HPSE2: variants seen among roughly 807,000 people sequenced by gnomAD.
HPSE2 encodes the protein inactive heparanase-2.
HPSE2 carries 38 observed loss-of-function variants against 60.5 expected under a neutral mutation model. The ratio of observed to expected loss-of-function variants is 0.63; its 90% CI spans 0.48 to 0.82. HPSE2 has a LOEUF of 0.82. Among genes scored for constraint, HPSE2 ranks in the 40% least tolerant of loss-of-function variants. HPSE2 has a pLI of 0.00. For missense variants in HPSE2, 713 were observed against 740.4 expected, an observed-to-expected ratio of 0.96 and a Z score of 0.43; for synonymous variants, 295 against 293.2, an observed-to-expected ratio of 1.01 and a Z score of -0.06.
At chr10:98,914,451 C>A (rs1296938135) in intron 3 of HPSE2, among the ~76,000 whole-genome samples, 1 of 151,656 alleles carries the variant, frequency 6.6e-6, no homozygotes, top group African/African-American at 2.4e-5. Flanking sequence ...CAAATCCTCA[C>A]AATTTAGTAT....
At chr10:98,573,961 G>A (rs1589440966) in intron 9 of HPSE2, among the ~76,000 whole-genome samples, 1 of 152,042 alleles carries the variant, frequency 6.6e-6, no homozygotes, top group African/African-American at 2.4e-5. Context: ...TATTCACAGA[G>A]TTGTGCATCC....
At chr10:99,049,187 T>C (rs181418043) in intron 3 of HPSE2, among the ~76,000 whole-genome samples, 14 of 152,336 alleles carry the variant, frequency 9.2e-5, no homozygotes, top group Admixed American at 9.2e-4. Context: ...ATGTACTCCC[T>C]ATATCTAAAG....
intron 3 of HPSE2, among the ~76,000 whole-genome samples, chr10:98,775,251 T>C (rs1394263924): frequency 2.0e-5 from 3 of 152,240 alleles, no homozygotes; most frequent in Non-Finnish European, 4.4e-5. Context: ...ACAGCTGATA[T>C]ATGATCATCT....
intron 3 of HPSE2, among the ~76,000 whole-genome samples, chr10:98,868,550 C>A (rs755358026): frequency 4.4e-4 from 67 of 151,948 alleles, no homozygotes; most frequent in Non-Finnish European, 3.4e-4. Flanking sequence ...GGGATCGATA[C>A]CCAATTTTCC....
At chr10:99,163,428 C>A (rs1018206997) in intron 2 of HPSE2, among the ~76,000 whole-genome samples, 1 of 152,084 alleles carries the variant, frequency 6.6e-6, no homozygotes, top group Non-Finnish European at 1.5e-5. Context: ...CTTCCTCTTT[C>A]CACCTCCTCA....
intron 6 of HPSE2, among the ~76,000 whole-genome samples, chr10:98,676,441 G>A (rs556026387): frequency 1.3e-5 from 2 of 152,302 alleles, no homozygotes; most frequent in African/African-American, 4.8e-5. Context: ...CCCTTTTGGA[G>A]AGTACAGCCC....
chr10:98,858,729 C>A (rs1952378076), intron 3 of HPSE2, among the ~76,000 whole-genome samples: 1 of 152,132 alleles, frequency 6.6e-6, no homozygotes, highest in Non-Finnish European at 1.5e-5. Flanking sequence ...GTGGATAAGA[C>A]CAACCAGCAG....
chr10:98,924,791 GA>G (rs1954398174), intron 3 of HPSE2, among the ~76,000 whole-genome samples: 1 of 152,122 alleles, frequency 6.6e-6, no homozygotes, highest in African/African-American at 2.4e-5. Context: ...AGTTGCCTAG[GA>G]ATTGCAGTCT....
chr10:99,155,825 T>G (rs1400922422), intron 2 of HPSE2, among the ~76,000 whole-genome samples: 1 of 150,442 alleles, frequency 6.6e-6, no homozygotes, highest in Non-Finnish European at 1.5e-5. Flanking sequence ...GCTGGTTTTT[T>G]GAAAGGATCA....
intron 9 of HPSE2, among the ~76,000 whole-genome samples, chr10:98,599,856 G>C (rs989240431): frequency 5.3e-5 from 8 of 152,146 alleles, no homozygotes; most frequent in African/African-American, 1.9e-4. Flanking sequence ...ACAAGCTCTG[G>C]AAAGTCCTAT....
intron 3 of HPSE2, among the ~76,000 whole-genome samples, chr10:98,985,366 C>G (rs1432011009): frequency 6.6e-6 from 1 of 152,122 alleles, no homozygotes; most frequent in East Asian, 1.9e-4. Flanking sequence ...AATTTTTAAC[C>G]AAGAATTTCA....
At chr10:99,287,021 C>T in the HPSE2 span, among the ~76,000 whole-genome samples, 1 of 152,212 alleles carries the variant, frequency 6.6e-6, no homozygotes, top group East Asian at 1.9e-4. Flanking sequence ...CGCTAAATAC[C>T]TCTCACAAAC....
chr10:98,828,350 T>G (rs1476540821), intron 3 of HPSE2, among the ~76,000 whole-genome samples: 1 of 152,186 alleles, frequency 6.6e-6, no homozygotes, highest in Non-Finnish European at 1.5e-5. Context: ...GAATAAAGAA[T>G]TTTTCCAAAG....
intron 3 of HPSE2, among the ~76,000 whole-genome samples, chr10:99,029,465 C>T (rs1293258809): frequency 2.6e-5 from 4 of 152,128 alleles, no homozygotes; most frequent in South Asian, 2.1e-4. Flanking sequence ...AAATGTCTGG[C>T]TGCGCTGTTA....
chr10:98,504,675 C>T (rs574446461), intron 9 of HPSE2, among the ~76,000 whole-genome samples: 58 of 151,930 alleles, frequency 3.8e-4, no homozygotes, highest in African/African-American at 1.3e-3. Flanking sequence ...CTGTAGTCCC[C>T]GCTATTCAGG....
chr10:98,569,810 C>T (rs1487415820), intron 9 of HPSE2, among the ~76,000 whole-genome samples: 1 of 152,130 alleles, frequency 6.6e-6, no homozygotes, highest in Non-Finnish European at 1.5e-5. Context: ...CTCTTTTTTA[C>T]CTCTTCCAGG....
At chr10:98,505,915 T>C (rs974204204) in intron 9 of HPSE2, among the ~76,000 whole-genome samples, 1 of 152,212 alleles carries the variant, frequency 6.6e-6, no homozygotes, top group African/African-American at 2.4e-5. Context: ...TTAATTACCA[T>C]TGTTTTATAT....
intron 4 of HPSE2, among the ~76,000 whole-genome samples, chr10:98,740,541 A>G (rs941873725): frequency 3.3e-5 from 5 of 152,150 alleles, no homozygotes; most frequent in Non-Finnish European, 7.4e-5. Context: ...GATATTGGGT[A>G]TATCTTGCTT....
At chr10:98,912,699 G>T (rs1417069148) in intron 3 of HPSE2, among the ~76,000 whole-genome samples, 1 of 152,128 alleles carries the variant, frequency 6.6e-6, no homozygotes, top group Non-Finnish European at 1.5e-5. Context: ...AACATCACAT[G>T]TCCTCACTTA....
Sources: gnomAD v4.1 joint callset for allele counts (sites outside exome capture counted in the v4.1 genomes callset) on GRCh38, gnomAD v4.1.1 for gene constraint, MANE v1.5 for transcripts, NCBI Gene and HGNC (gene_info 2026-07-23, HGNC 2026-07-21) for gene names.